The following EMID1 variants were observed in gnomAD, a reference collection of about 807,000 sequenced individuals.
EMID1 encodes EMI domain-containing protein 1.
In EMID1, 40 loss-of-function variants were observed where a neutral mutation model predicts 60.6. The ratio of observed to expected loss-of-function variants is 0.66; its 90% CI spans 0.51 to 0.86. EMID1 has a LOEUF of 0.86. Among genes scored for constraint, EMID1 ranks in the 40% least tolerant of loss-of-function variants. The pLI is 0.00. For synonymous variants in EMID1, 242 were observed against 231.0 expected (o/e 1.05, Z -0.43); for missense variants, 585 against 597.1 (o/e 0.98, Z 0.21).
chr22:29,242,508 T>C (rs1170509221), intron 12 of EMID1, among the ~76,000 whole-genome samples: 7 of 152,222 alleles, frequency 4.6e-5, no homozygotes, highest in Non-Finnish European at 7.3e-5. Context: ...CGGCTGTGGA[T>C]CTATTTCTAT....
chr22:29,207,869 C>T (rs571208561), intron 1 of EMID1, among the ~76,000 whole-genome samples: 4 of 152,122 alleles, frequency 2.6e-5, no homozygotes, highest in Non-Finnish European at 4.4e-5. Flanking sequence ...AAGAGGTTGT[C>T]GGCTTGGGGG....
chr22:29,233,720 T>C (rs2040838195), intron 10 of EMID1, 54 bp downstream of exon 10: 2 of 1,530,464 alleles, frequency 1.3e-6, no homozygotes, highest in East Asian at 4.5e-5. Context: ...TTTCCATCTA[T>C]GCATACATCC....
chr22:29,238,718 C>CT (rs2041052377), intron 12 of EMID1, among the ~76,000 whole-genome samples: 1 of 102,430 alleles, frequency 9.8e-6, no homozygotes, highest in Non-Finnish European at 1.9e-5. Flanking sequence ...CGTGCCCGGC[C>CT]ATTTTTTTTT....
chr22:29,215,576 A>T lies in EMID1; in HGVS notation c.265A>T (p.Thr89Ser), dbSNP rs149213055. The change falls in exon 3 of 15, where the codon ACC becomes TCC. Residue 89 changes from threonine to serine, a missense_variant. Thr to Ser is a moderately conservative substitution (Grantham distance 58). Coordinates refer to ENST00000334018, the MANE Select transcript of EMID1 (RefSeq NM_133455.4). ...PTYKVMYKIV[T>S]AREWRCCPGH... is the part of the protein sequence containing the mutation. Reference sequence around the variant, plus strand: ...ATACAAGGTGATGTACAAGATAGTGACCGCCCGTGAGTGGAGGTGCTGCCC... The same window carrying T: ...ATACAAGGTGATGTACAAGATAGTGTCCGCCCGTGAGTGGAGGTGCTGCCC... The T allele has an allele frequency of 5.4e-5, 87 of 1,613,932 alleles. No homozygotes were observed. The highest frequency in any genetic ancestry group is 1.9e-4 in the African/African-American group (14 of 74,902).
intron 3 of EMID1, among the ~76,000 whole-genome samples, chr22:29,223,801 A>C (rs569732276): frequency 1.3e-5 from 2 of 152,210 alleles, no homozygotes; most frequent in Non-Finnish European, 2.9e-5. Context: ...GGTGAATTGG[A>C]GGTGATACTA....
In EMID1 at chr22:29,205,936, C is replaced by G. The variant is rs1363231371; in HGVS notation, c.-103C>G. The G allele has an allele frequency of 1.6e-6, 1 of 611,548 alleles. No individual in the cohort carries two copies. The highest frequency in any genetic ancestry group is 2.1e-6 in the Non-Finnish European group (1 of 481,210). The allele number at this position is 611,548 out of a possible 1,614,324, so 37.9% of individuals were successfully genotyped here. A position where few individuals can be genotyped will look rare whatever the true frequency, so the allele number is the denominator to read the frequency against. ...TCCGGCCGCGGAGCTGGAAACCGGG[C>G]TCCGCGCGTCCGGGGCGGCTGGCGG... On this transcript the variant is annotated 5_prime_UTR_variant, in exon 1 of 15. Coordinates refer to ENST00000334018, the MANE Select transcript of EMID1 (RefSeq NM_133455.4).
chr22:29,245,065 C>A (rs1602029807), intron 13 of EMID1, among the ~76,000 whole-genome samples: 2 of 147,700 alleles, frequency 1.4e-5, no homozygotes, highest in African/African-American at 2.6e-5. Context: ...GCCGTGGGAG[C>A]CCCCTACCCT....
chr22:29,236,423 G>C (rs944533344), intron 12 of EMID1, among the ~76,000 whole-genome samples: 1 of 152,124 alleles, frequency 6.6e-6, no homozygotes, highest in African/African-American at 2.4e-5. Flanking sequence ...GTGCACGGTG[G>C]CTCACACCTG....
intron 13 of EMID1, among the ~76,000 whole-genome samples, chr22:29,250,711 C>CATG (rs905202669): frequency 7.2e-6 from 1 of 138,004 alleles, no homozygotes; most frequent in Admixed American, 7.6e-5. Context: ...GGATTACAGG[C>CATG]ATGCACCACC....
intron 3 of EMID1, among the ~76,000 whole-genome samples, 170 bp downstream of exon 3, chr22:29,215,800 C>T (rs1019070285): frequency 1.3e-5 from 2 of 152,146 alleles, no homozygotes; most frequent in Non-Finnish European, 2.9e-5. Flanking sequence ...TCCCCCCTGC[C>T]CCCCACGGTG....
intron 13 of EMID1, among the ~76,000 whole-genome samples, chr22:29,244,593 CGCGCCACTGCACTCCAGCCT>C (rs1236293434): frequency 2.0e-5 from 3 of 148,976 alleles, no homozygotes; most frequent in African/African-American, 7.5e-5. Flanking sequence ...GAGCAGAGAT[CGCGCCACTGCACTCCAGCCT>C]GGGCGACGGA....
chr22:29,209,637 C>A (rs1318542806), intron 1 of EMID1, among the ~76,000 whole-genome samples: 2 of 152,162 alleles, frequency 1.3e-5, no homozygotes, highest in African/African-American at 4.8e-5. Flanking sequence ...TCCTCCAGCA[C>A]CTGCGTGAGT....
At chr22:29,218,164 C>T (rs992947077) in intron 3 of EMID1, among the ~76,000 whole-genome samples, 5 of 152,258 alleles carry the variant, frequency 3.3e-5, no homozygotes, top group Non-Finnish European at 7.3e-5. Context: ...CCATCCTGCT[C>T]CCCCACCGCC....
chr22:29,247,674 A>G (rs1415716535), intron 13 of EMID1, among the ~76,000 whole-genome samples: 2 of 152,220 alleles, frequency 1.3e-5, no homozygotes, highest in Admixed American at 6.5e-5. Flanking sequence ...TCTGTCGCCC[A>G]GGGTGGAGTG....
At chr22:29,222,104 C>T (rs1486113788) in intron 3 of EMID1, among the ~76,000 whole-genome samples, 3 of 152,030 alleles carry the variant, frequency 2.0e-5, no homozygotes, top group Non-Finnish European at 4.4e-5. Context: ...AACATTTATG[C>T]TGATTTTATT....
At position 29,258,856 on chromosome 22, in the gene EMID1, G is replaced by C. The variant is rs757841688; in HGVS notation, c.1244G>C (p.Gly415Ala). Residue 415 changes from glycine to alanine, a missense_variant, in exon 15 of 15, where the codon GGC (glycine) becomes GCC (alanine). By Grantham distance (60) the Gly-to-Ala change is moderately conservative (BLOSUM62 0). Coordinates refer to ENST00000334018, the MANE Select transcript of EMID1 (RefSeq NM_133455.4). Reference sequence around the variant, plus strand: ...TCTGGGGCGGGCCCTGCCGGCACAGGCACCCCCAGCCTCCTTCGGGGCAAG... The same window carrying C: ...TCTGGGGCGGGCCCTGCCGGCACAGCCACCCCCAGCCTCCTTCGGGGCAAG... ...LGSGAGPAGT[G>A]TPSLLRGKRG... 1 of 1,612,950 alleles carries C rather than the reference G, an allele frequency of 6.2e-7. No individual in the cohort carries two copies. Among genetic ancestry groups the C allele is most frequent in the Non-Finnish European group, 8.5e-7 (1 of 1,179,728 alleles).
At chr22:29,227,870 C>A (rs1389662074) in intron 5 of EMID1, among the ~76,000 whole-genome samples, 1 of 151,758 alleles carries the variant, frequency 6.6e-6, no homozygotes, top group Non-Finnish European at 1.5e-5. Flanking sequence ...AAAAAATTAG[C>A]CGGGGCCGAG....
intron 4 of EMID1, chr22:29,226,288 T>A (rs1479715573): frequency 2.1e-6 from 1 of 486,034 alleles, no homozygotes; most frequent in Non-Finnish European, 3.6e-6. Flanking sequence ...CTCTGGAGGC[T>A]CCAGTGCCAA....
intron 13 of EMID1, among the ~76,000 whole-genome samples, chr22:29,249,312 G>T (rs1448593791): frequency 3.3e-5 from 5 of 152,128 alleles, no homozygotes; most frequent in South Asian, 2.1e-4. Flanking sequence ...TGTCACCCAG[G>T]CTGGAGTGCA....
Sources: allele counts gnomAD v4.1 joint callset (sites outside exome capture counted in the v4.1 genomes callset), GRCh38; gene constraint gnomAD v4.1.1; transcripts MANE v1.5; gene names NCBI Gene and HGNC (gene_info 2026-07-23, HGNC 2026-07-21).